The following PRPS2 variants were observed in gnomAD, a reference collection of about 807,000 sequenced individuals.
The protein encoded by PRPS2 is ribose-phosphate pyrophosphokinase 2.
For synonymous variants in PRPS2, 111 were observed against 115.3 expected, an observed-to-expected ratio of 0.96 and a Z score of 0.24; for missense variants, 104 against 271.5, an observed-to-expected ratio of 0.38 and a Z score of 4.34.
chrX:12,807,356 C>T (rs1018694926), intron 2 of PRPS2, among the ~76,000 whole-genome samples: 4 of 112,571 alleles, frequency 3.6e-5, no homozygotes, highest in African/African-American at 9.7e-5. Context: ...AATCCTATCA[C>T]ATTGGCAACA....
chrX:12,796,047 T>A (rs1425399736), intron 1 of PRPS2, among the ~76,000 whole-genome samples: 1 of 111,450 alleles, frequency 9.0e-6, no homozygotes, highest in Non-Finnish European at 1.9e-5. Context: ...ATTTTCCTTT[T>A]CTTTAAAATT....
intron 4 of PRPS2, among the ~76,000 whole-genome samples, chrX:12,815,417 A>G (rs2042642807): frequency 9.0e-6 from 1 of 111,326 alleles, no homozygotes; most frequent in Non-Finnish European, 1.9e-5. Context: ...TTCCACCACA[A>G]AGGGCAGTGC....
intron 6 of PRPS2, among the ~76,000 whole-genome samples, chrX:12,821,314 T>C (rs1399230783): frequency 1.8e-5 from 2 of 111,303 alleles, no homozygotes; most frequent in African/African-American, 6.5e-5. Context: ...ACAGCATGGA[T>C]GAACCTTGAA....
intron 1 of PRPS2, among the ~76,000 whole-genome samples, chrX:12,791,883 C>A (rs1433364832): frequency 2.7e-5 from 3 of 112,600 alleles, no homozygotes; most frequent in Admixed American, 1.8e-4. Flanking sequence ...ACCCGGCGGT[C>A]CCGAGCCGCT....
At position 12,808,288 on chromosome X, in the gene PRPS2, C is replaced by G. The variant is rs867870784; in HGVS notation, c.307-946C>G. Among the ~76,000 whole-genome samples the G allele has an allele frequency of 9.1e-3, 927 of 102,419 alleles. 3 individuals carry two copies. Among genetic ancestry groups the G allele is most frequent in the Non-Finnish European group, 0.013 (679 of 50,501 alleles). 88.9% of individuals were successfully genotyped at this position (102,419 alleles called of 115,157 possible). A position where few individuals can be genotyped will look rare whatever the true frequency, so the allele number is the denominator to read the frequency against. ...CTGCATGTGTTTTTACATGAATATA[C>G]TGTGTGTGTGTGTGTGTGTGTGTGT... On this transcript the variant is annotated intron_variant, in intron 2 of 6. Coordinates refer to ENST00000380668, the MANE Select transcript of PRPS2 (RefSeq NM_002765.5).
rs753537408 is a variant in PRPS2, at chrX:12,791,515, G to A, written c.18G>A (p.Leu6=). Residue 6 remains leucine, a synonymous_variant, in exon 1 of 7, where the codon CTG becomes CTA. Coordinates refer to ENST00000380668, the MANE Select transcript of PRPS2 (RefSeq NM_002765.5). The stretch of plus-strand genomic sequence containing the variant: ...GCCCCACCATGCCCAACATCGTGCT[G>A]TTCAGCGGCAGCTCGCATCAGGACC... MPNIV[L]FSGSSHQDLS... 2 of 1,205,950 alleles carry A rather than the reference G, an allele frequency of 1.7e-6. No homozygotes were observed. Among genetic ancestry groups the A allele is most frequent in the East Asian group, 6.0e-5 (2 of 33,307 alleles).
intron 4 of PRPS2, among the ~76,000 whole-genome samples, chrX:12,811,119 G>A (rs2042622019): frequency 8.9e-6 from 1 of 112,404 alleles, no homozygotes; most frequent in Admixed American, 9.4e-5. Flanking sequence ...AACCTGACCC[G>A]ATGCCTGATC....
chrX:12,796,213 CT>C (rs751352461), intron 1 of PRPS2, among the ~76,000 whole-genome samples: 246 of 38,677 alleles, frequency 6.4e-3, no homozygotes, highest in African/African-American at 0.018. Flanking sequence ...ATAATTGGCT[CT>C]TTTTTTTTTT....
rs185552394 is a variant in PRPS2, at chrX:12,806,685, A to G, written c.307-2549A>G. ...TGGTTTGGATCCTAGAAGTTAAGAAACACTGGATGCCACTGAGGAGAGATG... is the reference window on the plus strand; with the variant it reads ...TGGTTTGGATCCTAGAAGTTAAGAAGCACTGGATGCCACTGAGGAGAGATG... On this transcript the variant is annotated intron_variant, in intron 2 of 6. Transcript: ENST00000380668. Among the ~76,000 whole-genome samples, 56 of 112,573 alleles carry G rather than the reference A, an allele frequency of 5.0e-4. No homozygotes were observed. In the East Asian group the frequency reaches 0.01, roughly 21 times the overall value.
intron 1 of PRPS2, among the ~76,000 whole-genome samples, chrX:12,795,863 G>C (rs1384223645): frequency 5.4e-5 from 6 of 111,836 alleles, no homozygotes; most frequent in African/African-American, 2.0e-4. Context: ...TCACAAAGCA[G>C]TTAGATTTAG....
intron 4 of PRPS2, among the ~76,000 whole-genome samples, chrX:12,818,535 G>A (rs923457666): frequency 9.1e-6 from 1 of 110,237 alleles, no homozygotes; most frequent in African/African-American, 3.3e-5. Flanking sequence ...TCCATTCCTG[G>A]TCGTCATCTG....
chrX:12,799,732 A>G (rs763877217), intron 2 of PRPS2, among the ~76,000 whole-genome samples: 2 of 112,116 alleles, frequency 1.8e-5, no homozygotes, highest in South Asian at 7.4e-4. Flanking sequence ...TCTGAATCAG[A>G]TCACTGGATT....
chrX:12,791,703 G>T (rs2042519496), intron 1 of PRPS2, 84 bp downstream of exon 1: 1 of 824,598 alleles, frequency 1.2e-6, no homozygotes. Context: ...GCCTGCCCGG[G>T]CCACCTCCGC....
At position 12,791,447 on chromosome X, in the gene PRPS2, C is replaced by T; in HGVS notation, c.-51C>T. Reference sequence around the variant, plus strand: ...CCTCCCGCGTCGCTGTCGCTGTTGCCTCCGCCACCTCCTCCGCCGCCGCGC... The same window carrying T: ...CCTCCCGCGTCGCTGTCGCTGTTGCTTCCGCCACCTCCTCCGCCGCCGCGC... On this transcript the variant is annotated 5_prime_UTR_variant, in exon 1 of 7. Coordinates refer to ENST00000380668, the MANE Select transcript of PRPS2 (RefSeq NM_002765.5). The T allele has an allele frequency of 8.5e-7, 1 of 1,176,607 alleles. No individual in the cohort carries two copies. Among genetic ancestry groups the T allele is most frequent in the Non-Finnish European group, 1.1e-6 (1 of 877,188 alleles).
At chrX:12,794,565 C>T (rs750595315) in intron 1 of PRPS2, among the ~76,000 whole-genome samples, 1 of 111,751 alleles carries the variant, frequency 8.9e-6, no homozygotes, top group African/African-American at 3.3e-5. Context: ...AGTTACCATG[C>T]CCGTTTATTG....
chrX:12,803,651 A>G (rs777341567), intron 2 of PRPS2, among the ~76,000 whole-genome samples: 2 of 112,351 alleles, frequency 1.8e-5, no homozygotes, highest in Non-Finnish European at 3.8e-5. Context: ...ATAATCCAGG[A>G]TAATCTCCCC....
In PRPS2 at chrX:12,819,604, G is replaced by A. The variant is rs757868976; in HGVS notation, c.628G>A (p.Asp210Asn). ...AGTGGACCGGATGGTCCTGGTGGGC[G>A]ACGTGAAGGACCGTGTGGCCATCCT... is the stretch of plus-strand genomic sequence containing the variant. ...NEVDRMVLVGDVKDRVAILVD... is the reference protein window; with the variant it reads ...NEVDRMVLVGNVKDRVAILVD... Residue 210 changes from aspartate (D) to asparagine (N), a missense_variant, in exon 5 of 7, where the codon GAC becomes AAC. Transcript: ENST00000380668. 2.5e-6 allele frequency: 3 copies of A among 1,210,608 alleles called. No homozygotes were observed. The highest frequency in any genetic ancestry group is 3.4e-6 in the Non-Finnish European group (3 of 895,302).
chrX:12,803,509 G>A (rs2042579748), intron 2 of PRPS2, among the ~76,000 whole-genome samples: 1 of 112,338 alleles, frequency 8.9e-6, no homozygotes, highest in Admixed American at 9.4e-5. Flanking sequence ...GGCTGGTCTT[G>A]AATAGGAATT....
At chrX:12,811,883 C>T (rs950803045) in intron 4 of PRPS2, among the ~76,000 whole-genome samples, 3 of 112,236 alleles carry the variant, frequency 2.7e-5, no homozygotes, top group African/African-American at 9.7e-5. Flanking sequence ...AGAGAAGGAA[C>T]GGACCATGCA....
Sources: allele counts gnomAD v4.1 joint callset (sites outside exome capture counted in the v4.1 genomes callset), GRCh38; gene constraint gnomAD v4.1.1; transcripts MANE v1.5; gene names NCBI Gene and HGNC (gene_info 2026-07-23, HGNC 2026-07-21).